Variants in TRIO observed in about 807,000 individuals in gnomAD.
The protein encoded by TRIO is triple functional domain protein.
In TRIO, 58 loss-of-function variants were observed where a neutral mutation model predicts 351.9. The ratio of observed to expected loss-of-function variants is 0.16; its 90% CI spans 0.13 to 0.21. The LOEUF (loss-of-function observed/expected upper bound fraction) is 0.21, where lower values mean the gene tolerates loss of function less well. Among genes scored for constraint, TRIO ranks in the 10% least tolerant of loss-of-function variants. TRIO has a pLI of 1.00. For synonymous variants in TRIO, 1,758 were observed against 1,595.7 expected (o/e 1.10, Z -2.42); for missense variants, 3,201 against 4,027.8 (o/e 0.79, Z 5.56).
At chr5:14,272,732 T>C (rs1201265752) in intron 2 of TRIO, among the ~76,000 whole-genome samples, 1 of 152,210 alleles carries the variant, frequency 6.6e-6, no homozygotes, top group Non-Finnish European at 1.5e-5. Context: ...ACTTTTACAG[T>C]ATTCCTAATT....
intron 11 of TRIO, among the ~76,000 whole-genome samples, chr5:14,344,438 C>T (rs763485585): frequency 3.5e-4 from 54 of 152,254 alleles, no homozygotes; most frequent in Non-Finnish European, 6.3e-4. Context: ...CAAACACACC[C>T]CCTAAATTTG....
chr5:14,450,762 A>G (rs1752794185), intron 34 of TRIO, among the ~76,000 whole-genome samples: 2 of 152,218 alleles, frequency 1.3e-5, no homozygotes, highest in African/African-American at 2.4e-5. Context: ...CCATGCTGAC[A>G]TGACAGCATA....
intron 48 of TRIO, among the ~76,000 whole-genome samples, chr5:14,489,340 G>T (rs1756301701): frequency 6.6e-6 from 1 of 152,216 alleles, no homozygotes; most frequent in Admixed American, 6.5e-5. Context: ...CAGTTGAAGT[G>T]GCCGGGTAGG....
intron 13 of TRIO, 116 bp downstream of exon 13, chr5:14,359,647 A>C: frequency 3.8e-5 from 45 of 1,176,728 alleles, no homozygotes; most frequent in Non-Finnish European, 4.7e-5. Flanking sequence ...CCACACCCCA[A>C]CCCTCTGCAC....
Position 14,364,617 on chromosome 5 carries a change from C to G in TRIO, c.2588-33C>G, listed in dbSNP as rs114634082. On this transcript the variant is annotated intron_variant, in intron 14 of 56. Coordinates refer to ENST00000344204, the MANE Select transcript of TRIO (RefSeq NM_007118.4). ...TGAGAACAGAAGGTTGAAGTGCTAGCTGAATTCTAGGGTCTCCCTTTAATG... is the reference window on the plus strand; with the variant it reads ...TGAGAACAGAAGGTTGAAGTGCTAGGTGAATTCTAGGGTCTCCCTTTAATG... The G allele has an allele frequency of 5.1e-6, 8 of 1,579,218 alleles. No individual in the cohort carries two copies. The African/African-American group carries it at 9.5e-5, about 19-fold the overall frequency.
chr5:14,263,260 C>A (rs1291243643), intron 1 of TRIO, among the ~76,000 whole-genome samples: 1 of 152,194 alleles, frequency 6.6e-6, no homozygotes, highest in Non-Finnish European at 1.5e-5. Context: ...ATATGAGCAC[C>A]CCCAACTCCA....
chr5:14,196,986 G>A (rs2152163558), intron 1 of TRIO, among the ~76,000 whole-genome samples: 1 of 152,336 alleles, frequency 6.6e-6, no homozygotes, highest in Middle Eastern at 3.4e-3. Flanking sequence ...GTGGAGTGCT[G>A]TGATTACTGC....
chr5:14,474,425 T>C (rs572641868), intron 40 of TRIO, among the ~76,000 whole-genome samples: 1 of 152,320 alleles, frequency 6.6e-6, no homozygotes, highest in East Asian at 1.9e-4. Context: ...ACACTTCCAT[T>C]CTTCATCTGC....
Position 14,297,217 on chromosome 5 carries a change from G to A in TRIO, c.1322G>A (p.Ser441Asn). Residue 441 changes from serine to asparagine, a missense_variant, in exon 7 of 57, where the codon AGC becomes AAC. Ser to Asn is a conservative substitution (Grantham distance 46). Transcript: ENST00000344204. ...KAFAAALDER[S>N]TLLDMSSIFH... is the part of the protein sequence containing the mutation. ...TTTGCGGCAGCCCTGGATGAGCGGAGCACCTTGCTGGACATGTCCTCCATT... is the reference window on the plus strand; with the variant it reads ...TTTGCGGCAGCCCTGGATGAGCGGAACACCTTGCTGGACATGTCCTCCATT... 1 of 1,614,186 alleles carries A rather than the reference G, an allele frequency of 6.2e-7. No individual in the cohort carries two copies. The highest frequency in any genetic ancestry group is 8.5e-7 in the Non-Finnish European group (1 of 1,180,034).
At chr5:14,499,015 C>T (rs778640400) in intron 53 of TRIO, 7 of 208,370 alleles carry the variant, frequency 3.4e-5, no homozygotes, top group Non-Finnish European at 5.0e-5. Flanking sequence ...TATCCAGCTA[C>T]CCAGCTGAAT....
intron 48 of TRIO, among the ~76,000 whole-genome samples, chr5:14,491,500 T>A (rs1434353963): frequency 6.6e-6 from 1 of 152,208 alleles, no homozygotes; most frequent in Non-Finnish European, 1.5e-5. Flanking sequence ...TTGGGCAAGA[T>A]GCAGCTTCAG....
intron 9 of TRIO, among the ~76,000 whole-genome samples, chr5:14,330,066 T>C (rs539433083): frequency 6.6e-6 from 1 of 152,358 alleles, no homozygotes; most frequent in East Asian, 1.9e-4. Flanking sequence ...TGTTAGATAT[T>C]GTCAGCGTTT....
intron 48 of TRIO, among the ~76,000 whole-genome samples, chr5:14,491,531 T>A (rs1756482974): frequency 6.6e-6 from 1 of 152,212 alleles, no homozygotes. Context: ...GGGATCTGCA[T>A]TTCTTCTCCA....
chr5:14,347,754 GGT>G (rs1742558958), intron 11 of TRIO, among the ~76,000 whole-genome samples: 1 of 152,214 alleles, frequency 6.6e-6, no homozygotes, highest in Non-Finnish European at 1.5e-5. Flanking sequence ...TCATGTTGCA[GGT>G]GTCTGTTCTC....
intron 11 of TRIO, among the ~76,000 whole-genome samples, chr5:14,354,099 C>T (rs932756535): frequency 3.9e-5 from 6 of 152,278 alleles, no homozygotes; most frequent in Middle Eastern, 3.4e-3. Flanking sequence ...CCCCGAGCTT[C>T]GGCTGGCAGG....
chr5:14,233,876 G>A (rs1454447645), intron 1 of TRIO, among the ~76,000 whole-genome samples: 1 of 152,058 alleles, frequency 6.6e-6, no homozygotes, highest in Non-Finnish European at 1.5e-5. Flanking sequence ...CTGCAGACTT[G>A]AAATCCTGGG....
At chr5:14,360,584 C>G (rs1179556269) in intron 13 of TRIO, among the ~76,000 whole-genome samples, 3 of 152,252 alleles carry the variant, frequency 2.0e-5, no homozygotes, top group African/African-American at 7.2e-5. Context: ...GTCCTTGGCA[C>G]TCAGGCTGGG....
At chr5:14,156,425 G>T (rs1304712943) in intron 1 of TRIO, among the ~76,000 whole-genome samples, 1 of 152,170 alleles carries the variant, frequency 6.6e-6, no homozygotes, top group Admixed American at 6.5e-5. Context: ...GCGTGTATGT[G>T]TGTGTATGTA....
intron 5 of TRIO, 47 bp from the exon 6 acceptor site, chr5:14,292,965 A>G: frequency 1.2e-6 from 2 of 1,612,230 alleles, no homozygotes; most frequent in Non-Finnish European, 1.7e-6. Context: ...TGTGTCAGTA[A>G]TTTCTCTTTC....
Sources: gnomAD v4.1 joint callset for allele counts (sites outside exome capture counted in the v4.1 genomes callset) on GRCh38, gnomAD v4.1.1 for gene constraint, MANE v1.5 for transcripts, NCBI Gene and HGNC (gene_info 2026-07-23, HGNC 2026-07-21) for gene names.